The following AGBL1 variants were observed in gnomAD, a reference collection of about 807,000 sequenced individuals.
AGBL1 encodes the protein cytosolic carboxypeptidase 4.
Under a neutral mutation model 118.9 loss-of-function variants are expected in AGBL1, and 130 were observed. The observed-to-expected ratio is 1.09, with a 90% CI of 0.95 to 1.26. The LOEUF is 1.26. Ranked by LOEUF, AGBL1 falls within the 50% of genes most tolerant of loss-of-function variation. The pLI is 0.00. For missense variants in AGBL1, 1,584 were observed against 1,298.1 expected (o/e 1.22, Z -3.38); for synonymous variants, 555 against 478.9 (o/e 1.16, Z -2.08).
At chr15:86,186,781 T>A (rs973515973) in intron 5 of AGBL1, among the ~76,000 whole-genome samples, 1 of 152,224 alleles carries the variant, frequency 6.6e-6, no homozygotes, top group South Asian at 2.1e-4. Flanking sequence ...ATTCTCTTAT[T>A]TAATTTTCAC....
chr15:86,332,082 C>T (rs886555299), intron 17 of AGBL1, among the ~76,000 whole-genome samples: 2 of 138,270 alleles, frequency 1.4e-5, no homozygotes, highest in African/African-American at 2.6e-5. Context: ...GGAGAAAAAT[C>T]TGTCATGCAA....
intron 17 of AGBL1, among the ~76,000 whole-genome samples, chr15:86,371,932 C>A (rs1175556034): frequency 6.6e-6 from 1 of 152,140 alleles, no homozygotes; most frequent in Non-Finnish European, 1.5e-5. Flanking sequence ...TCTGCCTGCA[C>A]TCCCGGCAGT....
chr15:86,392,070 C>G (rs915117093), intron 17 of AGBL1, among the ~76,000 whole-genome samples: 1 of 152,026 alleles, frequency 6.6e-6, no homozygotes, highest in Non-Finnish European at 1.5e-5. Context: ...AGTAAACATT[C>G]CAGATAGGGA....
At chr15:86,293,767 G>A (rs1313539153) in intron 16 of AGBL1, among the ~76,000 whole-genome samples, 1 of 151,862 alleles carries the variant, frequency 6.6e-6, no homozygotes, top group African/African-American at 2.4e-5. Flanking sequence ...TTATATATTT[G>A]TCAATATTTT....
Position 86,264,521 on chromosome 15 carries a change from T to G in AGBL1, c.1350T>G (p.Asp450Glu), listed in dbSNP as rs374845151. ...TGCAATCCAATAGTCTCAGGAGAGA[T>G]TCTTCTGAAAGTGAAATCCCTGACA... ...QNVQSNSLRR[D>E]SSESEIPDIQ... Residue 450 changes from aspartate to glutamate, a missense_variant, in exon 11 of 23, where the codon GAT becomes GAG. By Grantham distance (45) the Asp-to-Glu change is conservative. Transcript: ENST00000614907. The G allele has an allele frequency of 4.5e-5, 72 of 1,613,904 alleles. No homozygotes were observed. Among genetic ancestry groups the G allele is most frequent in the Middle Eastern group, 1.6e-4 (1 of 6,082 alleles).
At chr15:86,166,768 G>A (rs182022353) in intron 5 of AGBL1, among the ~76,000 whole-genome samples, 1 of 152,306 alleles carries the variant, frequency 6.6e-6, no homozygotes, top group East Asian at 1.9e-4. Context: ...TGAGAAGGGT[G>A]CTTGATATGT....
chr15:86,994,757 C>A (rs1372537189), intron 24 of AGBL1, among the ~76,000 whole-genome samples: 1 of 152,152 alleles, frequency 6.6e-6, no homozygotes, highest in African/African-American at 2.4e-5. Flanking sequence ...AAAAGGCTTT[C>A]CAAGGGCAAA....
At chr15:86,444,061 A>G (rs1485113214) in intron 18 of AGBL1, among the ~76,000 whole-genome samples, 1 of 152,172 alleles carries the variant, frequency 6.6e-6, no homozygotes, top group East Asian at 1.9e-4. Flanking sequence ...GCTAATTCAC[A>G]TTCCCACCAA....
intron 17 of AGBL1, among the ~76,000 whole-genome samples, chr15:86,324,117 G>C (rs569264580): frequency 1.1e-4 from 17 of 152,320 alleles, no homozygotes; most frequent in African/African-American, 3.8e-4. Flanking sequence ...CTTTAATTTA[G>C]TGTCAGGCAC....
intron 23 of AGBL1, among the ~76,000 whole-genome samples, chr15:86,984,308 T>TTTTGTGTCA (rs2081258776): frequency 6.6e-6 from 1 of 152,108 alleles, no homozygotes; most frequent in Non-Finnish European, 1.5e-5. Context: ...GAAATGTGTC[T>TTTTGTGTCA]ATTGACATAT....
intron 22 of AGBL1, among the ~76,000 whole-genome samples, chr15:86,763,302 AT>A (rs2078052088): frequency 6.6e-6 from 1 of 152,048 alleles, no homozygotes; most frequent in South Asian, 2.1e-4. Flanking sequence ...GTTTTAGATT[AT>A]TTGTGGGTTC....
At chr15:86,225,084 T>C in intron 6 of AGBL1, 133 bp downstream of exon 6, 1 of 902,798 alleles carries the variant, frequency 1.1e-6, no homozygotes, top group Non-Finnish European at 1.7e-6. Flanking sequence ...TATGGCTAAT[T>C]CCTGACCTTG....
chr15:86,420,155 T>G (rs2081766602), intron 18 of AGBL1, among the ~76,000 whole-genome samples: 2 of 152,302 alleles, frequency 1.3e-5, no homozygotes, highest in South Asian at 4.1e-4. Context: ...CCCTGACTTG[T>G]GTGCCTCCTG....
chr15:86,551,609 T>C (rs2083664160), intron 20 of AGBL1, among the ~76,000 whole-genome samples: 1 of 152,164 alleles, frequency 6.6e-6, no homozygotes, highest in Admixed American at 6.6e-5. Flanking sequence ...GCTTTGTTGA[T>C]ACATTCTATC....
intron 22 of AGBL1, among the ~76,000 whole-genome samples, chr15:86,854,122 T>A (rs1223313169): frequency 2.6e-5 from 4 of 152,168 alleles, no homozygotes; most frequent in Non-Finnish European, 4.4e-5. Context: ...GCATTTTCCC[T>A]CTCTACCAAC....
chr15:86,210,633 C>T (rs760536999), intron 5 of AGBL1, among the ~76,000 whole-genome samples: 22 of 152,266 alleles, frequency 1.4e-4, no homozygotes, highest in Admixed American at 7.8e-4. Context: ...GCTTGTGTCA[C>T]GTAGTTCTTG....
chr15:86,189,867 A>G (rs1451181167), intron 5 of AGBL1, among the ~76,000 whole-genome samples: 3 of 152,216 alleles, frequency 2.0e-5, no homozygotes, highest in Non-Finnish European at 4.4e-5. Flanking sequence ...GAGAGCATGT[A>G]TATCACCTTG....
At chr15:86,573,578 T>C (rs1400689997) in intron 21 of AGBL1, among the ~76,000 whole-genome samples, 2 of 152,200 alleles carry the variant, frequency 1.3e-5, no homozygotes, top group Non-Finnish European at 2.9e-5. Context: ...CTAGTTGTCT[T>C]TCATCCTACT....
At chr15:86,410,842 A>ATATATATATATATATATG (rs36174307) in intron 18 of AGBL1, among the ~76,000 whole-genome samples, 3 of 74,718 alleles carry the variant, frequency 4.0e-5, no homozygotes, top group African/African-American at 1.8e-4. Context: ...ATATATATAT[A>ATATATATATATATATATG]ATATACTATT....
Sources: gnomAD v4.1 joint callset for allele counts (sites outside exome capture counted in the v4.1 genomes callset) on GRCh38, gnomAD v4.1.1 for gene constraint, MANE v1.5 for transcripts, NCBI Gene and HGNC (gene_info 2026-07-23, HGNC 2026-07-21) for gene names.